Variants in ANGPT2 observed in about 807,000 individuals in gnomAD.
ANGPT2 encodes the protein angiopoietin 2.
In ANGPT2, 28 loss-of-function variants were observed where a neutral mutation model predicts 62.9. The observed-to-expected ratio is 0.44, with a 90% CI of 0.33 to 0.61. The LOEUF (loss-of-function observed/expected upper bound fraction) is 0.61. Ranked by LOEUF, ANGPT2 falls within the 20% of genes least tolerant of loss-of-function variation. The pLI, the probability that ANGPT2 is intolerant of heterozygous loss-of-function variation, is 0.03. For missense variants in ANGPT2, 727 were observed against 594.9 expected (o/e 1.22, Z -2.31); for synonymous variants, 284 against 207.8 (o/e 1.37, Z -3.15).
chr8:6,510,692 G>A (rs1814883170), intron 7 of ANGPT2, among the ~76,000 whole-genome samples: 1 of 152,178 alleles, frequency 6.6e-6, no homozygotes, highest in African/African-American at 2.4e-5. Flanking sequence ...TGCAGCAAAT[G>A]CCTCTGCCGT....
At chr8:6,524,603 T>C (rs1817987156) in intron 3 of ANGPT2, among the ~76,000 whole-genome samples, 1 of 152,218 alleles carries the variant, frequency 6.6e-6, no homozygotes, top group Non-Finnish European at 1.5e-5. Context: ...ACCTACCATG[T>C]ACGAGGTGTT....
intron 1 of ANGPT2, among the ~76,000 whole-genome samples, chr8:6,561,789 ATTAT>A (rs766141016): frequency 5.3e-5 from 8 of 152,210 alleles, no homozygotes; most frequent in Admixed American, 6.5e-5. Context: ...GTGAAAAAAA[ATTAT>A]TTATGAAAGA....
intron 8 of ANGPT2, among the ~76,000 whole-genome samples, chr8:6,506,339 G>A (rs1344721160): frequency 1.3e-5 from 2 of 151,794 alleles, no homozygotes; most frequent in Non-Finnish European, 2.9e-5. Context: ...CTCTTCACAG[G>A]CAAGACCACT....
At position 6,503,033 on chromosome 8, in the gene ANGPT2, A is replaced by G; in HGVS notation, c.*68T>C. 1.3e-6 allele frequency: 2 copies of G among 1,583,256 alleles called. No individual in the cohort carries two copies. Among genetic ancestry groups the G allele is most frequent in the Non-Finnish European group, 1.7e-6 (2 of 1,159,176 alleles). ...GAAGAGGACACAGTGCGCAGCCGTG[A>G]CTTTCAGTGCACTGGGCTTAAGTCT... On this transcript the variant is annotated 3_prime_UTR_variant, in exon 9 of 9. Coordinates refer to ENST00000629816, the MANE Select transcript of ANGPT2 (RefSeq NM_001118887.2).
chr8:6,548,191 C>T (rs1455918346), intron 1 of ANGPT2, among the ~76,000 whole-genome samples: 1 of 152,100 alleles, frequency 6.6e-6, no homozygotes, highest in Non-Finnish European at 1.5e-5. Flanking sequence ...TGAGGCGGCA[C>T]GCTTTGACTT....
chr8:6,550,367 C>G (rs903079601), intron 1 of ANGPT2, among the ~76,000 whole-genome samples: 1 of 152,206 alleles, frequency 6.6e-6, no homozygotes, highest in Non-Finnish European at 1.5e-5. Context: ...CACACACCCC[C>G]GACTGTAGGG....
intron 5 of ANGPT2, among the ~76,000 whole-genome samples, chr8:6,516,157 C>T (rs1017867922): frequency 6.6e-6 from 1 of 152,192 alleles, no homozygotes; most frequent in African/African-American, 2.4e-5. Flanking sequence ...ATTATTTCCT[C>T]ATTTTAAATT....
At chr8:6,546,279 A>G (rs1391091669) in intron 1 of ANGPT2, among the ~76,000 whole-genome samples, 1 of 152,264 alleles carries the variant, frequency 6.6e-6, no homozygotes, top group African/African-American at 2.4e-5. Flanking sequence ...GCAGTGTTCA[A>G]TGACTGTCAG....
At position 6,552,383 on chromosome 8, in the gene ANGPT2, G is replaced by A. The variant is rs1823803028; in HGVS notation, c.288+10264C>T. On this transcript the variant is annotated intron_variant, in intron 1 of 8. Transcript: ENST00000629816. ...TTCCACAGAGGCACTCATGCAATAT[G>A]CAGAATACAGACATTTTACACACAC... 2.0e-5 allele frequency among the ~76,000 whole-genome samples: 3 copies of A among 152,198 alleles called. No homozygotes were observed. In the South Asian group the frequency reaches 6.2e-4, roughly 32 times the overall value.
At position 6,546,243 on chromosome 8, in the gene ANGPT2, C is replaced by T. The variant is rs1435432614; in HGVS notation, c.289-13756G>A. On this transcript the variant is annotated intron_variant, in intron 1 of 8. Coordinates refer to ENST00000629816, the MANE Select transcript of ANGPT2 (RefSeq NM_001118887.2). ...AGCAAACAAATTGGAGTAAGGGAGA[C>T]AGTCTGAATATTCAAGGGCAACCCA... Among the ~76,000 whole-genome samples the T allele has an allele frequency of 2.6e-5, 4 of 152,236 alleles. No individual in the cohort carries two copies. The East Asian group carries it at 7.7e-4, about 29-fold the overall frequency.
intron 1 of ANGPT2, among the ~76,000 whole-genome samples, chr8:6,535,918 C>T (rs1320216622): frequency 6.6e-6 from 1 of 151,406 alleles, no homozygotes; most frequent in Non-Finnish European, 1.5e-5. Flanking sequence ...TTAGCTTGGC[C>T]TGGTAGTGCG....
chr8:6,514,476 A>G (rs908509168), intron 6 of ANGPT2, among the ~76,000 whole-genome samples: 4 of 152,238 alleles, frequency 2.6e-5, no homozygotes, highest in Non-Finnish European at 5.9e-5. Context: ...GGCGTGAGCC[A>G]GCACGTCTGG....
At chr8:6,558,597 A>T (rs1029848870) in intron 1 of ANGPT2, among the ~76,000 whole-genome samples, 1 of 152,330 alleles carries the variant, frequency 6.6e-6, no homozygotes, top group South Asian at 2.1e-4. Flanking sequence ...AAAGAGCCAC[A>T]TTGATTAAAA....
Position 6,562,530 on chromosome 8 carries a change from T to C in ANGPT2, c.288+117A>G, listed in dbSNP as rs565598492. 1.1e-4 allele frequency: 92 copies of C among 864,106 alleles called. No homozygotes were observed. In the South Asian group the frequency reaches 1.5e-3, roughly 14 times the overall value. The allele number at this position is 864,106 out of a possible 1,614,324, so 53.5% of individuals were successfully genotyped here. The stretch of plus-strand genomic sequence containing the variant: ...GGGTACCAGCAACCCGCTCTCCAGC[T>C]CTAATCCTCTTCATCCTCCTTCTTT... On this transcript the variant is annotated intron_variant, in intron 1 of 8. Transcript: ENST00000629816.
chr8:6,543,936 C>T (rs573407198), intron 1 of ANGPT2, among the ~76,000 whole-genome samples: 14 of 152,152 alleles, frequency 9.2e-5, no homozygotes, highest in South Asian at 2.1e-4. Context: ...GATTATTTAA[C>T]GGGGCTATGT....
At chr8:6,507,708 G>A (rs1160514866) in intron 8 of ANGPT2, 1 of 151,262 alleles carries the variant, frequency 6.6e-6, no homozygotes, top group Non-Finnish European at 1.5e-5. Context: ...TCCTGAGTAG[G>A]AGTAGCTGGG....
In ANGPT2 at chr8:6,513,703, G is replaced by T. The variant is rs773801274; in HGVS notation, c.1171C>A (p.Leu391Ile). The T allele has an allele frequency of 6.2e-7, 1 of 1,612,320 alleles. No individual in the cohort carries two copies. Among genetic ancestry groups the T allele is most frequent in the Non-Finnish European group, 8.5e-7 (1 of 1,179,530 alleles). The change falls in exon 7 of 9, where the codon CTC becomes ATC. Residue 391 changes from leucine (L) to isoleucine (I), a missense_variant. Transcript: ENST00000629816. ...CTATAATTGAGTTCTTCACTTGAGAGATAGAAATGTTCATACAATGAGTAA... is the reference window on the plus strand; with the variant it reads ...CTATAATTGAGTTCTTCACTTGAGATATAGAAATGTTCATACAATGAGTAA... ...EAYSLYEHFY[L>I]SSEELNYRIH... is the part of the protein sequence containing the mutation.
At chr8:6,539,194 G>A (rs142521533) in intron 1 of ANGPT2, among the ~76,000 whole-genome samples, 1,583 of 152,336 alleles carry the variant, frequency 0.01, 20 homozygotes, top group Middle Eastern at 0.044. Context: ...AGCCTGGGGG[G>A]TAGGCACAGT....
intron 1 of ANGPT2, among the ~76,000 whole-genome samples, chr8:6,541,410 G>T (rs144886646): frequency 1.3e-5 from 2 of 152,280 alleles, no homozygotes; most frequent in Non-Finnish European, 2.9e-5. Context: ...CGCTGGAGAG[G>T]AGAGGAGAGG....
Sources: gnomAD v4.1 joint callset for allele counts (sites outside exome capture counted in the v4.1 genomes callset) on GRCh38, gnomAD v4.1.1 for gene constraint, MANE v1.5 for transcripts, NCBI Gene and HGNC (gene_info 2026-07-23, HGNC 2026-07-21) for gene names.